The following NFIB variants were observed in gnomAD, a reference collection of about 807,000 sequenced individuals.
NFIB encodes the protein nuclear factor 1 B-type.
NFIB carries 11 observed loss-of-function variants against 61.5 expected under a neutral mutation model. The observed-to-expected ratio is 0.18, with a 90% CI of 0.11 to 0.30. NFIB has a LOEUF of 0.30. NFIB is among the 10% of genes least tolerant of loss of function. The pLI, the probability that NFIB is intolerant of heterozygous loss-of-function variation, is 1.00. For synonymous variants in NFIB, 260 were observed against 216.5 expected, an observed-to-expected ratio of 1.20 and a Z score of -1.76; for missense variants, 471 against 608.9, an observed-to-expected ratio of 0.77 and a Z score of 2.38.
chr9:14,120,422 T>C lies in NFIB; in HGVS notation c.1245+18A>G. On this transcript the variant is annotated intron_variant, in intron 8 of 10. Coordinates refer to ENST00000380953, the MANE Select transcript of NFIB (RefSeq NM_001190737.2). The surrounding 1 kb of genome is among the most constrained non-coding windows in gnomAD (Gnocchi z 4.4). ...CATCTCCCTTAGGTGCTAATCTTAT[T>C]TTCTCTCTTATTTTTACCTGGCTGG... The C allele has an allele frequency of 1.2e-6, 2 of 1,613,050 alleles. No individual in the cohort carries two copies. The highest frequency in any genetic ancestry group is 8.5e-7 in the Non-Finnish European group (1 of 1,179,128).
intron 2 of NFIB, among the ~76,000 whole-genome samples, chr9:14,250,463 C>T (rs2055469143): frequency 6.6e-6 from 1 of 152,126 alleles, no homozygotes; most frequent in South Asian, 2.1e-4. Context: ...TCAGCTTTTG[C>T]CATTAAAACT....
At chr9:14,253,294 G>C (rs1032191142) in intron 2 of NFIB, among the ~76,000 whole-genome samples, 4 of 152,174 alleles carry the variant, frequency 2.6e-5, no homozygotes, top group Admixed American at 1.3e-4. Flanking sequence ...GAAAGAAAGA[G>C]ACTTGCTAGA....
the NFIB span, among the ~76,000 whole-genome samples, chr9:14,447,079 A>G: frequency 4.4e-3 from 674 of 152,268 alleles, 9 homozygotes; most frequent in African/African-American, 0.016. Context: ...TATTTTTATC[A>G]TAAGAATCTT....
the NFIB span, among the ~76,000 whole-genome samples, chr9:14,464,772 G>A: frequency 6.6e-6 from 1 of 152,144 alleles, no homozygotes; most frequent in East Asian, 1.9e-4. Context: ...GGACCTGACT[G>A]ACCTTGACTC....
chr9:14,443,998 C>G, the NFIB span, among the ~76,000 whole-genome samples: 1 of 152,190 alleles, frequency 6.6e-6, no homozygotes, highest in African/African-American at 2.4e-5. Context: ...AACTATTTTT[C>G]TGGTAATATT....
At chr9:14,148,958 AG>A (rs1411741953) in intron 5 of NFIB, among the ~76,000 whole-genome samples, 3 of 152,198 alleles carry the variant, frequency 2.0e-5, no homozygotes, top group African/African-American at 7.2e-5. Flanking sequence ...TACATGCATA[AG>A]GAAGTACTAG....
chr9:14,323,804 G>A (rs114950075), intron 1 of NFIB, among the ~76,000 whole-genome samples: 254 of 152,148 alleles, frequency 1.7e-3, no homozygotes, highest in African/African-American at 5.9e-3. Context: ...TTTAAAAAAA[G>A]GCATGGCCTT....
At chr9:14,229,679 A>G (rs2052876983) in intron 2 of NFIB, among the ~76,000 whole-genome samples, 1 of 152,088 alleles carries the variant, frequency 6.6e-6, no homozygotes, top group South Asian at 2.1e-4. Flanking sequence ...TTTCCTCATC[A>G]TTTGCACTCC....
At chr9:14,198,374 T>C (rs534348248) in intron 2 of NFIB, among the ~76,000 whole-genome samples, 17 of 152,316 alleles carry the variant, frequency 1.1e-4, no homozygotes, top group African/African-American at 2.2e-4. Flanking sequence ...AACAATTACT[T>C]GGATAAAGTT....
chr9:14,457,787 G>T, the NFIB span, among the ~76,000 whole-genome samples: 2 of 152,074 alleles, frequency 1.3e-5, no homozygotes, highest in East Asian at 3.8e-4. Flanking sequence ...TAAATTGCTG[G>T]ACACATACAC....
intron 2 of NFIB, among the ~76,000 whole-genome samples, chr9:14,291,262 A>C (rs1020540484): frequency 1.3e-5 from 2 of 152,090 alleles, no homozygotes; most frequent in African/African-American, 2.4e-5. Context: ...AGGTGGGTGG[A>C]TCACTCGAGG....
At chr9:14,487,351 C>A in the NFIB span, among the ~76,000 whole-genome samples, 3 of 152,206 alleles carry the variant, frequency 2.0e-5, no homozygotes, top group Non-Finnish European at 4.4e-5. Context: ...TACCCTTTTA[C>A]AATTAATTTA....
the NFIB span, among the ~76,000 whole-genome samples, chr9:14,514,323 T>TACACACACAC: frequency 0.45 from 65,670 of 146,624 alleles, 15,063 homozygotes; most frequent in Non-Finnish European, 0.52. Flanking sequence ...CATACATACA[T>TACACACACAC]ACATACACAC....
At chr9:14,490,919 T>G in the NFIB span, among the ~76,000 whole-genome samples, 2 of 152,310 alleles carry the variant, frequency 1.3e-5, no homozygotes, top group South Asian at 2.1e-4. Context: ...AAATCTCCAG[T>G]GCAAAGAATG....
chr9:14,204,288 C>T (rs192127014), intron 2 of NFIB: 333 of 678,972 alleles, frequency 4.9e-4, no homozygotes, highest in Non-Finnish European at 7.7e-4. Context: ...AAGGTGGCTC[C>T]GGCCCCTGCT....
the NFIB span, among the ~76,000 whole-genome samples, chr9:14,410,457 A>G: frequency 6.6e-6 from 1 of 152,312 alleles, no homozygotes; most frequent in South Asian, 2.1e-4. Context: ...ACTACTATGC[A>G]TAAGGTAGAA....
Position 14,082,377 on chromosome 9 carries a change from C to G in NFIB, c.*5932G>C, listed in dbSNP as rs2032084375. On this transcript the variant is annotated 3_prime_UTR_variant, in exon 11 of 11. Transcript: ENST00000380953. ...GTATCTAAAGAAACACACAGTCCTA[C>G]AAAAGTTGTTCTCAGAGAAATATCA... 1 of 203,844 alleles carries G rather than the reference C, an allele frequency of 4.9e-6. No individual in the cohort carries two copies. Among genetic ancestry groups the G allele is most frequent in the Non-Finnish European group, 1.0e-5 (1 of 99,182 alleles). The allele number at this position is 203,844 out of a possible 1,614,324, so 12.6% of individuals were successfully genotyped here. A position where few individuals can be genotyped will look rare whatever the true frequency, so the allele number is the denominator to read the frequency against.
At chr9:14,487,017 C>T in the NFIB span, among the ~76,000 whole-genome samples, 1 of 152,204 alleles carries the variant, frequency 6.6e-6, no homozygotes, top group Non-Finnish European at 1.5e-5. Context: ...TATCCAAATG[C>T]TTTTTTCTTT....
At chr9:14,523,882 T>TA in the NFIB span, among the ~76,000 whole-genome samples, 1 of 152,180 alleles carries the variant, frequency 6.6e-6, no homozygotes, top group Admixed American at 6.5e-5. Context: ...GCCTTCTTCT[T>TA]ACTCTTACCT....
Sources: allele counts gnomAD v4.1 joint callset (sites outside exome capture counted in the v4.1 genomes callset), GRCh38; gene constraint gnomAD v4.1.1; non-coding constraint Gnocchi (gnomAD v3.1); transcripts MANE v1.5; gene names NCBI Gene and HGNC (gene_info 2026-07-23, HGNC 2026-07-21).